SYT17: variants seen among roughly 807,000 people sequenced by gnomAD.
SYT17 encodes the protein synaptotagmin-17.
In SYT17, 22 loss-of-function variants were observed where a neutral mutation model predicts 46.7. The ratio of observed to expected loss-of-function variants is 0.47; its 90% CI spans 0.34 to 0.67. The LOEUF is 0.67. Among genes scored for constraint, SYT17 ranks in the 30% least tolerant of loss-of-function variants. The pLI, the probability that SYT17 is intolerant of heterozygous loss-of-function variation, is 0.01. For missense variants in SYT17, 519 were observed against 612.8 expected, an observed-to-expected ratio of 0.85 and a Z score of 1.62; for synonymous variants, 251 against 248.4, an observed-to-expected ratio of 1.01 and a Z score of -0.10.
chr16:19,223,281 C>G, intron 6 of SYT17, 116 bp downstream of exon 6: 14 of 1,294,148 alleles, frequency 1.1e-5, no homozygotes, highest in Non-Finnish European at 1.5e-5. Context: ...CAGGATGAGG[C>G]AGGTAAATGA....
intron 5 of SYT17, among the ~76,000 whole-genome samples, chr16:19,198,034 T>A (rs545051719): frequency 1.1e-4 from 17 of 151,932 alleles, no homozygotes; most frequent in African/African-American, 4.1e-4. Context: ...GGTGAGTTAC[T>A]TGTCATCTCT....
intron 7 of SYT17, among the ~76,000 whole-genome samples, chr16:19,232,520 G>T (rs1006011483): frequency 6.6e-6 from 1 of 152,078 alleles, no homozygotes; most frequent in Admixed American, 6.5e-5. Context: ...GATTGATTGT[G>T]CCAGTGCATT....
intron 5 of SYT17, among the ~76,000 whole-genome samples, chr16:19,198,483 C>T (rs773397479): frequency 6.6e-6 from 1 of 152,196 alleles, no homozygotes; most frequent in Non-Finnish European, 1.5e-5. Flanking sequence ...CTAGCTCTCC[C>T]TGAGTACTTA....
chr16:19,206,716 C>T (rs1965685913), intron 5 of SYT17, among the ~76,000 whole-genome samples: 1 of 152,150 alleles, frequency 6.6e-6, no homozygotes, highest in Admixed American at 6.5e-5. Context: ...CAGCCTCCAC[C>T]TCTGTCCTCA....
At chr16:19,175,736 GA>G (rs1446890730) in intron 3 of SYT17, among the ~76,000 whole-genome samples, 1 of 150,642 alleles carries the variant, frequency 6.6e-6, no homozygotes, top group African/African-American at 2.4e-5. Flanking sequence ...ATGCTCACAA[GA>G]ATGCTATCTC....
intron 3 of SYT17, 148 bp from the exon 4 acceptor site, chr16:19,180,243 G>T: frequency 1.3e-6 from 1 of 759,318 alleles, no homozygotes; most frequent in Non-Finnish European, 2.2e-6. Flanking sequence ...GAGAGTTTAA[G>T]GACACCACAC....
chr16:19,209,560 A>G (rs1965810727), intron 5 of SYT17, among the ~76,000 whole-genome samples: 1 of 152,148 alleles, frequency 6.6e-6, no homozygotes, highest in East Asian at 1.9e-4. Context: ...GAGGAAGGGC[A>G]TTGCACTCAC....
At chr16:19,235,907 G>A (rs886875303) in intron 7 of SYT17, among the ~76,000 whole-genome samples, 3 of 152,108 alleles carry the variant, frequency 2.0e-5, no homozygotes, top group East Asian at 1.9e-4. Context: ...GAAAAAAATC[G>A]GGGAAAGAAA....
At chr16:19,234,190 G>A (rs1966804736) in intron 7 of SYT17, among the ~76,000 whole-genome samples, 1 of 152,078 alleles carries the variant, frequency 6.6e-6, no homozygotes, top group Non-Finnish European at 1.5e-5. Flanking sequence ...CCCAGGCATG[G>A]TGGTGCTTGC....
rs1968374635 is a variant in SYT17 at position 19,253,926 on chromosome 16, A to C, written c.1229-12954A>C. On this transcript the variant is annotated intron_variant, in intron 7 of 7. Transcript: ENST00000355377. ...GTATTTTTAGTAGAGATGGGGTTTC[A>C]CCATGTTGACCAGGCTGGTCTCAAA... is the stretch of plus-strand genomic sequence containing the variant. 1.3e-5 allele frequency among the ~76,000 whole-genome samples: 2 copies of C among 152,066 alleles called. 1 individual carries two copies. Among genetic ancestry groups the C allele is most frequent in the South Asian group, 4.1e-4 (2 of 4,822 alleles).
Position 19,228,903 on chromosome 16 carries a change from C to T in SYT17, c.1228+4065C>T, listed in dbSNP as rs552397185. Reference sequence around the variant, plus strand: ...GGTTGGTCTGCAATTTAGCATTTGCCGTGAATCCCTGGTAAAAGCCTGTAA... The same window carrying T: ...GGTTGGTCTGCAATTTAGCATTTGCTGTGAATCCCTGGTAAAAGCCTGTAA... On this transcript the variant is annotated intron_variant, in intron 7 of 7. Coordinates refer to ENST00000355377, the MANE Select transcript of SYT17 (RefSeq NM_016524.4). Among the ~76,000 whole-genome samples the T allele has an allele frequency of 2.0e-4, 30 of 152,320 alleles. No individual in the cohort carries two copies. The South Asian group carries it at 4.8e-3, about 24-fold the overall frequency.
upstream of SYT17, chr16:19,168,188 A>C: frequency 5.3e-6 from 1 of 189,856 alleles, no homozygotes; most frequent in South Asian, 8.9e-5. The surrounding 1 kb of genome is among the most constrained non-coding windows in gnomAD (Gnocchi z 6.9). Flanking sequence ...TGACCTGTGT[A>C]CCGCCCCCTC....
At chr16:19,222,064 G>T (rs1253831292) in intron 5 of SYT17, among the ~76,000 whole-genome samples, 1 of 152,140 alleles carries the variant, frequency 6.6e-6, no homozygotes, top group Non-Finnish European at 1.5e-5. Flanking sequence ...ACACTAAAAT[G>T]CTTGTTTTAA....
chr16:19,183,812 A>G lies in SYT17; in HGVS notation c.616A>G (p.Ile206Val). The change falls in exon 5 of 8, where the codon ATC becomes GTC. Residue 206 changes from isoleucine to valine, a missense_variant. By Grantham distance (29) the Ile-to-Val change is conservative. Coordinates refer to ENST00000355377, the MANE Select transcript of SYT17 (RefSeq NM_016524.4). This position sits in a 1 kb window ranked among gnomAD's most constrained non-coding sequence, Gnocchi z 5.6. ...LLHNHLTVRV[I>V]EARDLPPPIS... ...GCACAACCACCTCACCGTGCGCGTGATCGAGGCCAGGGACCTGCCACCTCC... is the reference window on the plus strand; with the variant it reads ...GCACAACCACCTCACCGTGCGCGTGGTCGAGGCCAGGGACCTGCCACCTCC... 1.2e-6 allele frequency: 2 copies of G among 1,614,164 alleles called. No individual in the cohort carries two copies. The highest frequency in any genetic ancestry group is 8.5e-7 in the Non-Finnish European group (1 of 1,180,030).
intron 7 of SYT17, among the ~76,000 whole-genome samples, chr16:19,243,933 C>CT (rs1344292298): frequency 6.6e-6 from 1 of 151,124 alleles, no homozygotes; most frequent in African/African-American, 2.4e-5. Context: ...TCCTAAGGCA[C>CT]TTGAGGACTA....
intron 5 of SYT17, among the ~76,000 whole-genome samples, chr16:19,201,126 C>A (rs1365494547): frequency 1.2e-4 from 19 of 152,184 alleles, no homozygotes; most frequent in Admixed American, 1.2e-3. Flanking sequence ...GGGACCACAG[C>A]ACCTGCACAT....
chr16:19,181,260 A>C (rs2142562051), intron 4 of SYT17, among the ~76,000 whole-genome samples: 1 of 152,348 alleles, frequency 6.6e-6, no homozygotes, highest in East Asian at 1.9e-4. Context: ...GTGTTTGACC[A>C]AACAGCATGA....
At chr16:19,252,606 C>T (rs1019166638) in intron 7 of SYT17, among the ~76,000 whole-genome samples, 10 of 139,776 alleles carry the variant, frequency 7.2e-5, no homozygotes, top group Non-Finnish European at 1.5e-4. Context: ...TCAGCAGCAC[C>T]TTAAAAAAAT....
rs535788475 is a variant in SYT17 at position 19,222,938 on chromosome 16, C to T, written c.952-107C>T. ...CAGAGGCTCCCACTGTCAACTGATGCGCTCACAGCAACCTGTTTGTGAGCT... is the reference window on the plus strand; with the variant it reads ...CAGAGGCTCCCACTGTCAACTGATGTGCTCACAGCAACCTGTTTGTGAGCT... On this transcript the variant is annotated intron_variant, in intron 5 of 7. Transcript: ENST00000355377. 197 of 1,440,986 alleles carry T rather than the reference C, an allele frequency of 1.4e-4. 2 individuals carry two copies. The South Asian group carries it at 1.5e-3, about 11-fold the overall frequency. 89.3% of individuals were successfully genotyped at this position (1,440,986 alleles called of 1,614,324 possible). A position where few individuals can be genotyped will look rare whatever the true frequency, so the allele number is the denominator to read the frequency against.
Sources: gnomAD v4.1 joint callset for allele counts (sites outside exome capture counted in the v4.1 genomes callset) on GRCh38, gnomAD v4.1.1 for gene constraint, Gnocchi (gnomAD v3.1) non-coding constraint, MANE v1.5 for transcripts, NCBI Gene and HGNC (gene_info 2026-07-23, HGNC 2026-07-21) for gene names.